Variants in RPS6KC1 observed in about 807,000 individuals in gnomAD.
The protein encoded by RPS6KC1 is ribosomal protein S6 kinase C1.
A neutral mutation model predicts 103.8 loss-of-function variants in RPS6KC1; 54 were observed. The observed-to-expected ratio is 0.52, with a 90% CI of 0.42 to 0.65. The LOEUF (loss-of-function observed/expected upper bound fraction) is 0.65, where lower values mean the gene tolerates loss of function less well. Ranked by LOEUF, RPS6KC1 falls within the 30% of genes least tolerant of loss-of-function variation. The probability of loss-of-function intolerance (pLI) is 0.00; values close to 1 mark genes in which losing one functional copy is unlikely to be tolerated. For missense variants in RPS6KC1, 1,151 were observed against 1,253.8 expected, an observed-to-expected ratio of 0.92 and a Z score of 1.24; for synonymous variants, 439 against 438.7, an observed-to-expected ratio of 1.00 and a Z score of -0.01.
chr1:213,512,318 G>A, the RPS6KC1 span, among the ~76,000 whole-genome samples: 1 of 152,216 alleles, frequency 6.6e-6, no homozygotes, highest in Non-Finnish European at 1.5e-5. Flanking sequence ...AAGAGAGAAA[G>A]CCTTCGGTAA....
the RPS6KC1 span, among the ~76,000 whole-genome samples, chr1:213,545,420 T>TA: frequency 1.4e-5 from 1 of 73,306 alleles, no homozygotes. Context: ...ATAAATAAAA[T>TA]AAAATAAAAT....
At chr1:213,202,890 G>T (rs1161044067) in intron 8 of RPS6KC1, among the ~76,000 whole-genome samples, 3 of 152,050 alleles carry the variant, frequency 2.0e-5, no homozygotes, top group African/African-American at 7.2e-5. Context: ...GCTCTTTAAT[G>T]GTCTCATAGT....
At chr1:213,790,736 C>T in the RPS6KC1 span, among the ~76,000 whole-genome samples, 1 of 152,124 alleles carries the variant, frequency 6.6e-6, no homozygotes, top group African/African-American at 2.4e-5. Flanking sequence ...TTCTGAGTCA[C>T]CATCACTGAA....
At chr1:213,755,198 A>T in the RPS6KC1 span, among the ~76,000 whole-genome samples, 2 of 152,138 alleles carry the variant, frequency 1.3e-5, no homozygotes, top group East Asian at 3.9e-4. Context: ...TGCTCAATAT[A>T]ATGTATTTAG....
At chr1:213,582,901 G>T in the RPS6KC1 span, among the ~76,000 whole-genome samples, 1 of 152,012 alleles carries the variant, frequency 6.6e-6, no homozygotes, top group Non-Finnish European at 1.5e-5. Flanking sequence ...GCTTCTGTAA[G>T]CCCCCTAGCA....
intron 6 of RPS6KC1, among the ~76,000 whole-genome samples, chr1:213,152,154 T>C (rs1252237753): frequency 9.1e-5 from 10 of 109,808 alleles, no homozygotes; most frequent in East Asian, 3.5e-4. Flanking sequence ...CCTCACCTCC[T>C]GGACGGGGCA....
chr1:213,665,810 A>C, the RPS6KC1 span, among the ~76,000 whole-genome samples: 1 of 152,224 alleles, frequency 6.6e-6, no homozygotes, highest in East Asian at 1.9e-4. Context: ...GAGTTAATTC[A>C]TGGTACTTTC....
intron 8 of RPS6KC1, among the ~76,000 whole-genome samples, chr1:213,226,621 T>C (rs2093969879): frequency 6.6e-6 from 1 of 152,256 alleles, no homozygotes; most frequent in Non-Finnish European, 1.5e-5. Context: ...TCACTCATTA[T>C]GAACTCTGTG....
At chr1:213,599,473 G>GT in the RPS6KC1 span, among the ~76,000 whole-genome samples, 1 of 151,948 alleles carries the variant, frequency 6.6e-6, no homozygotes, top group East Asian at 1.9e-4. Flanking sequence ...AGAACGAGGG[G>GT]GGGAAAAACA....
At chr1:213,615,793 G>A in the RPS6KC1 span, among the ~76,000 whole-genome samples, 1 of 152,248 alleles carries the variant, frequency 6.6e-6, no homozygotes, top group East Asian at 1.9e-4. Context: ...CCAGGGGGAG[G>A]CATCCAGCCT....
chr1:213,275,457 A>G (rs374912777), downstream of RPS6KC1, among the ~76,000 whole-genome samples: 121 of 152,326 alleles, frequency 7.9e-4, no homozygotes, highest in African/African-American at 1.8e-3. Flanking sequence ...TACTGTTTCT[A>G]TGTCAAAGAT....
At chr1:213,664,808 G>A in the RPS6KC1 span, among the ~76,000 whole-genome samples, 1 of 151,992 alleles carries the variant, frequency 6.6e-6, no homozygotes, top group Non-Finnish European at 1.5e-5. Context: ...TTGAAGGAGT[G>A]ATTTTGATTG....
chr1:213,305,647 T>C, the RPS6KC1 span, among the ~76,000 whole-genome samples: 1 of 151,346 alleles, frequency 6.6e-6, no homozygotes, highest in Non-Finnish European at 1.5e-5. Context: ...TGGAGAAGAG[T>C]TAGGAGTAAA....
intron 6 of RPS6KC1, among the ~76,000 whole-genome samples, chr1:213,152,372 G>A (rs1166593926): frequency 4.8e-5 from 7 of 145,874 alleles, no homozygotes; most frequent in African/African-American, 7.4e-5. Flanking sequence ...CTGATGGGGC[G>A]GGGGGCTGAC....
chr1:213,523,874 C>T, the RPS6KC1 span, among the ~76,000 whole-genome samples: 1 of 152,128 alleles, frequency 6.6e-6, no homozygotes, highest in African/African-American at 2.4e-5. Context: ...GAACTGAGAG[C>T]TGCTTCTTAG....
At chr1:213,079,807 G>T (rs540505555) in intron 3 of RPS6KC1, among the ~76,000 whole-genome samples, 9 of 151,592 alleles carry the variant, frequency 5.9e-5, no homozygotes, top group Non-Finnish European at 8.8e-5. Context: ...CAAGTTTCCT[G>T]CTCCTTCCCT....
chr1:213,381,254 T>G, the RPS6KC1 span, among the ~76,000 whole-genome samples: 1 of 152,166 alleles, frequency 6.6e-6, no homozygotes, highest in Admixed American at 6.5e-5. Context: ...ACACCGCATC[T>G]CCTGGTGAGG....
At chr1:213,577,607 T>A in the RPS6KC1 span, among the ~76,000 whole-genome samples, 1 of 152,144 alleles carries the variant, frequency 6.6e-6, no homozygotes, top group East Asian at 1.9e-4. Flanking sequence ...CAGATGGAGA[T>A]GAGGAACTTA....
intron 6 of RPS6KC1, among the ~76,000 whole-genome samples, chr1:213,164,791 A>ACGTT (rs1283126872): frequency 1.3e-5 from 2 of 152,018 alleles, no homozygotes; most frequent in African/African-American, 4.8e-5. Flanking sequence ...CTTGTGTTGA[A>ACGTT]CTCCTGGGAT....
Sources: gnomAD v4.1 joint callset for allele counts (sites outside exome capture counted in the v4.1 genomes callset) on GRCh38, gnomAD v4.1.1 for gene constraint, MANE v1.5 for transcripts, NCBI Gene and HGNC (gene_info 2026-07-23, HGNC 2026-07-21) for gene names.